Variants in SLC25A53 observed in about 807,000 individuals in gnomAD.
SLC25A53 encodes the protein mitochondrial carrier triple repeat protein 6.
In SLC25A53, 5 loss-of-function variants were observed where a neutral mutation model predicts 15.0. That is an observed-to-expected ratio of 0.33 (90% confidence interval 0.17 to 0.70). SLC25A53 has a LOEUF of 0.70. Among genes scored for constraint, SLC25A53 ranks in the 30% least tolerant of loss-of-function variants. The probability of loss-of-function intolerance (pLI) is 0.67; values close to 1 mark genes in which losing one functional copy is unlikely to be tolerated. For missense variants in SLC25A53, 216 were observed against 241.6 expected, an observed-to-expected ratio of 0.89 and a Z score of 0.70; for synonymous variants, 95 against 100.0, an observed-to-expected ratio of 0.95 and a Z score of 0.30.
chrX:104,107,239 G>A (rs1393468958), intron 1 of SLC25A53, among the ~76,000 whole-genome samples: 3 of 111,700 alleles, frequency 2.7e-5, no homozygotes, highest in African/African-American at 3.3e-5. Flanking sequence ...CTCACCTCTT[G>A]GTGGAGGCAG....
At chrX:104,115,392 G>T (rs781926336) in intron 1 of SLC25A53, 1 of 1,015,803 alleles carries the variant, frequency 9.8e-7, no homozygotes, top group Non-Finnish European at 1.3e-6. Context: ...AACAGGAGAG[G>T]GGGGTGGGTT....
chrX:104,114,836 CA>C, intron 1 of SLC25A53: 1 of 1,209,943 alleles, frequency 8.3e-7, no homozygotes. Flanking sequence ...ATGGAGAGGG[CA>C]GCCAGCCCTG....
At chrX:104,126,957 C>G (rs1602497666) in intron 1 of SLC25A53, among the ~76,000 whole-genome samples, 2 of 112,315 alleles carry the variant, frequency 1.8e-5, no homozygotes, top group South Asian at 3.7e-4. Context: ...TCCTATGAGA[C>G]TAAACATGTA....
intron 1 of SLC25A53, among the ~76,000 whole-genome samples, chrX:104,136,082 A>G (rs782058039): frequency 9.0e-6 from 1 of 111,402 alleles, no homozygotes; most frequent in East Asian, 2.8e-4. Flanking sequence ...GCTTCCCACT[A>G]TATAAAATGG....
chrX:104,136,530 A>G (rs1428671464), intron 1 of SLC25A53, among the ~76,000 whole-genome samples: 1 of 112,040 alleles, frequency 8.9e-6, no homozygotes, highest in Non-Finnish European at 1.9e-5. Context: ...TCTGACGTGG[A>G]CAGGAACATG....
chrX:104,114,975 A>G (rs1556360834), intron 1 of SLC25A53: 1 of 1,193,182 alleles, frequency 8.4e-7, no homozygotes, highest in Admixed American at 2.3e-5. Context: ...TGTACCCTTC[A>G]CTGACACCTA....
Position 104,104,637 on chromosome X carries a change from G to T in SLC25A53, c.621C>A (p.Gly207=). 8.3e-7 allele frequency: 1 copy of T among 1,211,543 alleles called. No individual in the cohort carries two copies. Among genetic ancestry groups the T allele is most frequent in the Non-Finnish European group, 1.1e-6 (1 of 895,396 alleles). Residue 207 remains glycine (G), a synonymous_variant, in exon 2 of 2, where the codon GGC becomes GGA. Coordinates refer to ENST00000594199, the MANE Select transcript of SLC25A53 (RefSeq NM_001012755.5). ...DPIQDGLAEQ[G]LPHWVPALVS... is the part of the protein sequence containing the mutation. ...CCAAGGCAGGAACCCAGTGGGGCAG[G>T]CCTTGCTCTGCCAGGCCATCCTGGA...
intron 1 of SLC25A53, among the ~76,000 whole-genome samples, chrX:104,129,517 G>A (rs1188769410): frequency 1.8e-5 from 2 of 110,388 alleles, no homozygotes; most frequent in South Asian, 3.9e-4. Flanking sequence ...GATCGACTAC[G>A]AAAAGAACAC....
intron 1 of SLC25A53, among the ~76,000 whole-genome samples, chrX:104,128,051 T>C (rs2075415840): frequency 8.9e-6 from 1 of 112,023 alleles, no homozygotes. Flanking sequence ...TTTGCTAGAC[T>C]TGTTTTTCCT....
In SLC25A53 at chrX:104,101,679, T is replaced by A. The variant is rs1170170052; in HGVS notation, c.*2655A>T. 2 of 111,949 alleles carry A rather than the reference T, an allele frequency of 1.8e-5. No individual in the cohort carries two copies. The highest frequency in any genetic ancestry group is 6.5e-5 in the African/African-American group (2 of 30,815). 9.2% of individuals were successfully genotyped at this position (111,949 alleles called of 1,213,427 possible). ...ACGGTCTCTTAAAAAATAATTTGGA[T>A]CTACAAACATTGAATCTAGGAATAT... On this transcript the variant is annotated 3_prime_UTR_variant, in exon 2 of 2. Coordinates refer to ENST00000594199, the MANE Select transcript of SLC25A53 (RefSeq NM_001012755.5).
intron 1 of SLC25A53, among the ~76,000 whole-genome samples, chrX:104,137,075 C>A (rs1363242649): frequency 9.0e-6 from 1 of 111,339 alleles, no homozygotes; most frequent in South Asian, 3.7e-4. Flanking sequence ...TGATTATCCT[C>A]GTGTTACAGA....
chrX:104,145,701 A>C (rs2075464337), intron 1 of SLC25A53, among the ~76,000 whole-genome samples: 1 of 112,560 alleles, frequency 8.9e-6, no homozygotes, highest in South Asian at 3.6e-4. Context: ...ATAAACTAGA[A>C]AATCTAGAAG....
chrX:104,116,982 C>G (rs1229614318), intron 1 of SLC25A53, among the ~76,000 whole-genome samples: 3 of 106,767 alleles, frequency 2.8e-5, no homozygotes, highest in Non-Finnish European at 5.8e-5. Context: ...CTCACAGTCT[C>G]ATTCATACCC....
intron 1 of SLC25A53, chrX:104,112,076 C>T (rs1288683572): frequency 5.4e-5 from 6 of 111,850 alleles, no homozygotes; most frequent in African/African-American, 2.0e-4. Flanking sequence ...CACACTACTA[C>T]CTCCTTCACA....
chrX:104,136,981 TATA>T (rs2075438215), intron 1 of SLC25A53, among the ~76,000 whole-genome samples: 1 of 111,493 alleles, frequency 9.0e-6, no homozygotes, highest in African/African-American at 3.3e-5. Context: ...AAATAATTAT[TATA>T]ATATTTAATA....
intron 1 of SLC25A53, among the ~76,000 whole-genome samples, chrX:104,107,870 C>T (rs2075319555): frequency 9.0e-6 from 1 of 111,596 alleles, no homozygotes; most frequent in African/African-American, 3.3e-5. Flanking sequence ...AATTCAGTGA[C>T]ATCTTGGAGC....
chrX:104,128,240 T>C (rs1250505674), intron 1 of SLC25A53, among the ~76,000 whole-genome samples: 1 of 111,721 alleles, frequency 9.0e-6, no homozygotes, highest in African/African-American at 3.3e-5. Context: ...TATATACAGA[T>C]GGTGAAAATA....
At chrX:104,138,800 C>T (rs2075443499) in intron 1 of SLC25A53, among the ~76,000 whole-genome samples, 2 of 111,964 alleles carry the variant, frequency 1.8e-5, no homozygotes, top group Admixed American at 9.4e-5. Context: ...AACTCCGTGT[C>T]GTTCTGCCGC....
chrX:104,104,279 G>A lies in SLC25A53; in HGVS notation c.*55C>T, dbSNP rs1293566088. 7.0e-6 allele frequency: 8 copies of A among 1,135,560 alleles called. No homozygotes were observed. The East Asian group carries it at 9.0e-5, about 13-fold the overall frequency. The allele number at this position is 1,135,560 out of a possible 1,213,427, so 93.6% of individuals were successfully genotyped here. A position where few individuals can be genotyped will look rare whatever the true frequency, so the allele number is the denominator to read the frequency against. On this transcript the variant is annotated 3_prime_UTR_variant, in exon 2 of 2. Coordinates refer to ENST00000594199, the MANE Select transcript of SLC25A53 (RefSeq NM_001012755.5). ...CCTAGCCAAAGAAGTAAGCTATATA[G>A]AACCAACCAGGGAAGATTTAGAATA...
Sources: gnomAD v4.1 joint callset for allele counts (sites outside exome capture counted in the v4.1 genomes callset) on GRCh38, gnomAD v4.1.1 for gene constraint, MANE v1.5 for transcripts, NCBI Gene and HGNC (gene_info 2026-07-23, HGNC 2026-07-21) for gene names.